The following CCNY variants were observed in gnomAD, a reference collection of about 807,000 sequenced individuals.
The protein encoded by CCNY is cyclin Y, also known as cyclin-Y.
Under a neutral mutation model 42.8 loss-of-function variants are expected in CCNY, and 19 were observed. The observed-to-expected ratio is 0.44, with a 90% CI of 0.31 to 0.65. CCNY has a LOEUF of 0.65. Among genes scored for constraint, CCNY ranks in the 30% least tolerant of loss-of-function variants. The pLI, the probability that CCNY is intolerant of heterozygous loss-of-function variation, is 0.07. For synonymous variants in CCNY, 165 were observed against 162.7 expected, an observed-to-expected ratio of 1.01 and a Z score of -0.11; for missense variants, 370 against 437.3, an observed-to-expected ratio of 0.85 and a Z score of 1.37.
intron 1 of CCNY, among the ~76,000 whole-genome samples, chr10:35,436,872 T>C (rs1838545738): frequency 6.6e-6 from 1 of 152,240 alleles, no homozygotes; most frequent in Middle Eastern, 3.2e-3. Flanking sequence ...ACTGTATTAA[T>C]CTTTTCTCAC....
intron 5 of CCNY, among the ~76,000 whole-genome samples, chr10:35,527,624 C>G (rs1564446657): frequency 6.6e-6 from 1 of 152,220 alleles, no homozygotes; most frequent in Non-Finnish European, 1.5e-5. Context: ...TGAATTCAAT[C>G]TACCACTCAG....
intron 1 of CCNY, among the ~76,000 whole-genome samples, chr10:35,385,374 C>T (rs1589080253): frequency 6.6e-6 from 1 of 152,298 alleles, no homozygotes. Context: ...ATTTGTATTT[C>T]CAACTCCTGT....
intron 3 of CCNY, among the ~76,000 whole-genome samples, chr10:35,265,546 G>A (rs1351155850): frequency 2.0e-5 from 3 of 152,222 alleles, no homozygotes; most frequent in Non-Finnish European, 2.9e-5. Context: ...AGTGAGCCCT[G>A]TGCGCTAGGT....
chr10:35,274,333 C>G (rs192402585), intron 3 of CCNY, among the ~76,000 whole-genome samples: 1 of 152,308 alleles, frequency 6.6e-6, no homozygotes, highest in African/African-American at 2.4e-5. Flanking sequence ...TCCCACAACA[C>G]ATGGGAATTA....
chr10:35,346,657 G>A (rs1218762173), intron 1 of CCNY, among the ~76,000 whole-genome samples: 1 of 152,170 alleles, frequency 6.6e-6, no homozygotes, highest in Non-Finnish European at 1.5e-5. Context: ...TTTGAGATGG[G>A]TTTTGTTCTG....
intron 2 of CCNY, among the ~76,000 whole-genome samples, chr10:35,491,668 C>T (rs373813706): frequency 1.5e-4 from 23 of 152,130 alleles, no homozygotes; most frequent in Admixed American, 7.2e-4. Context: ...GGCTGGAGTG[C>T]AGTGGCACGA....
intron 3 of CCNY, among the ~76,000 whole-genome samples, chr10:35,296,362 T>C (rs185490528): frequency 1.3e-5 from 2 of 152,230 alleles, no homozygotes; most frequent in East Asian, 3.9e-4. Flanking sequence ...GGTGGATCAC[T>C]TGCAGCCAGG....
chr10:35,491,411 G>T (rs1839891787), intron 2 of CCNY, among the ~76,000 whole-genome samples: 1 of 152,120 alleles, frequency 6.6e-6, no homozygotes, highest in Admixed American at 6.5e-5. Context: ...CCTCACTGGG[G>T]ATCTCTTGAG....
chr10:35,530,028 T>C lies in CCNY; in HGVS notation c.457T>C (p.Ser153Pro), dbSNP rs1840731947. 6.2e-7 allele frequency: 1 copy of C among 1,614,170 alleles called. No homozygotes were observed. The highest frequency in any genetic ancestry group is 8.5e-7 in the Non-Finnish European group (1 of 1,179,986). ...TTTTGATGAAAATCTTCACCCTCTT[T>C]CGGTAATCTCCTCCGTGTGTTTCAT... ...DIFDENLHPLSKSEVPPDYDK... is the reference protein window; with the variant it reads ...DIFDENLHPLPKSEVPPDYDK... The change falls in exon 6 of 10, where the codon TCG (serine) becomes CCG (proline). Residue 153 changes from serine (S) to proline (P), a missense_variant and splice_region_variant. Physicochemically the swap from Ser to Pro is moderately conservative, Grantham distance 74. Coordinates refer to ENST00000374704, the MANE Select transcript of CCNY (RefSeq NM_145012.6). The surrounding 1 kb of genome is among the most constrained non-coding windows in gnomAD (Gnocchi z 4.3).
chr10:35,568,628 C>G (rs1841620091), intron 9 of CCNY, among the ~76,000 whole-genome samples: 1 of 152,350 alleles, frequency 6.6e-6, no homozygotes, highest in Non-Finnish European at 1.5e-5. Flanking sequence ...GAGCTCTCCT[C>G]TCTGTGAGGC....
At chr10:35,511,082 C>T (rs779115930) in intron 3 of CCNY, among the ~76,000 whole-genome samples, 5 of 152,172 alleles carry the variant, frequency 3.3e-5, no homozygotes, top group Admixed American at 6.5e-5. Context: ...CAGGCCCCTG[C>T]GGCCAGCTCA....
chr10:35,255,067 T>C (rs2095714550), intron 3 of CCNY, among the ~76,000 whole-genome samples: 1 of 152,002 alleles, frequency 6.6e-6, no homozygotes, highest in African/African-American at 2.4e-5. Flanking sequence ...CTGTTGTTGC[T>C]GGGTAGACTG....
At chr10:35,269,101 T>C (rs1208189226) in intron 3 of CCNY, among the ~76,000 whole-genome samples, 2 of 152,218 alleles carry the variant, frequency 1.3e-5, no homozygotes, top group African/African-American at 2.4e-5. Context: ...TTTTTAAAGA[T>C]TTATGTGGCC....
chr10:35,456,441 A>G (rs757143494), intron 1 of CCNY, among the ~76,000 whole-genome samples: 1 of 152,216 alleles, frequency 6.6e-6, no homozygotes, highest in Non-Finnish European at 1.5e-5. Context: ...TTCAGGTTTT[A>G]TTAAGCTGGG....
At chr10:35,267,452 T>G (rs993328036) in intron 3 of CCNY, among the ~76,000 whole-genome samples, 2 of 152,208 alleles carry the variant, frequency 1.3e-5, no homozygotes, top group Non-Finnish European at 2.9e-5. Context: ...ATTCTTTTGT[T>G]GCCAAATGAG....
At chr10:35,534,247 C>G (rs1262544269) in intron 7 of CCNY, among the ~76,000 whole-genome samples, 3 of 152,160 alleles carry the variant, frequency 2.0e-5, no homozygotes, top group Admixed American at 6.5e-5. Context: ...GCTGGTCACT[C>G]CTGACCTCAA....
chr10:35,338,200 A>G (rs1264804118), intron 1 of CCNY, among the ~76,000 whole-genome samples: 1 of 152,208 alleles, frequency 6.6e-6, no homozygotes. Flanking sequence ...ACACAACTTC[A>G]TAATTCGTTC....
chr10:35,361,954 C>T (rs1286556235), intron 1 of CCNY, among the ~76,000 whole-genome samples: 3 of 152,210 alleles, frequency 2.0e-5, no homozygotes, highest in Non-Finnish European at 4.4e-5. Flanking sequence ...GAAAATTGCA[C>T]ACCTGACACT....
intron 3 of CCNY, among the ~76,000 whole-genome samples, chr10:35,506,829 A>G (rs555280592): frequency 6.6e-6 from 1 of 152,180 alleles, no homozygotes; most frequent in Admixed American, 6.5e-5. Context: ...GATCTTTTGT[A>G]TATAGTGTTA....
Sources: allele counts gnomAD v4.1 joint callset (sites outside exome capture counted in the v4.1 genomes callset), GRCh38; gene constraint gnomAD v4.1.1; non-coding constraint Gnocchi (gnomAD v3.1); transcripts MANE v1.5; gene names NCBI Gene and HGNC (gene_info 2026-07-23, HGNC 2026-07-21).